The following MAD2L2 variants were observed in gnomAD, a reference collection of about 807,000 sequenced individuals.
The protein encoded by MAD2L2 is mitotic spindle assembly checkpoint protein MAD2B.
In MAD2L2, 17 loss-of-function variants were observed where a neutral mutation model predicts 30.5. The ratio of observed to expected loss-of-function variants is 0.56; its 90% confidence interval spans 0.38 to 0.84. MAD2L2 has a LOEUF of 0.84. Among genes scored for constraint, MAD2L2 ranks in the 40% least tolerant of loss-of-function variants. MAD2L2 has a pLI of 0.00. For missense variants in MAD2L2, 213 were observed against 277.4 expected (o/e 0.77, Z 1.65); for synonymous variants, 101 against 113.9 (o/e 0.89, Z 0.72).
rs757076066 is a variant in MAD2L2 at position 11,676,945 on chromosome 1, C to A, written c.235G>T (p.Asp79Tyr). The change falls in exon 5 of 9, where the codon GAT becomes TAT. Residue 79 changes from aspartate (D) to tyrosine (Y), a missense_variant. Physicochemically the swap from Asp to Tyr is radical, Grantham distance 160. Transcript: ENST00000376692. Reference sequence around the variant, plus strand: ...ATCACCACCACCACTTTCTCCACATCATTCTGCAAAGAGAGGAACCCCCAC... The same window carrying A: ...ATCACCACCACCACTTTCTCCACATAATTCTGCAAAGAGAGGAACCCCCAC... ...HCVKPLLEKN[D>Y]VEKVVVVILD... 1 of 1,613,542 alleles carries A rather than the reference C, an allele frequency of 6.2e-7. No homozygotes were observed. The highest frequency in any genetic ancestry group is 8.5e-7 in the Non-Finnish European group (1 of 1,179,452).
chr1:11,689,973 A>G (rs568141829), intron 1 of MAD2L2, among the ~76,000 whole-genome samples: 20 of 151,928 alleles, frequency 1.3e-4, no homozygotes, highest in African/African-American at 4.8e-4. Flanking sequence ...TCTGCTTGCA[A>G]GTCTTCTCCC....
Position 11,676,139 on chromosome 1 carries a change from A to AGCTGG in MAD2L2, c.333-4_333dup (p.Ser112ProfsTer19). The AGCTGG allele has an allele frequency of 6.3e-7, 1 of 1,591,918 alleles. No homozygotes were observed. Among genetic ancestry groups the AGCTGG allele is most frequent in the South Asian group, 1.1e-5 (1 of 88,578 alleles). Reference sequence around the variant, plus strand: ...TCCACATGAGACAACAGCGAGTCTGAGCTGGGAGTGAGAGGAGGTCTTCCC... The same window carrying AGCTGG: ...TCCACATGAGACAACAGCGAGTCTGAGCTGGGCTGGGAGTGAGAGGAGGTCTTCCC... On this transcript the variant is annotated frameshift_variant and splice_region_variant, in exon 6 of 9. Coordinates refer to ENST00000376692, the MANE Select transcript of MAD2L2 (RefSeq NM_006341.4). LOFTEE classifies it high-confidence loss of function.
intron 6 of MAD2L2, 83 bp downstream of exon 6, chr1:11,675,963 G>A: frequency 8.3e-7 from 1 of 1,208,960 alleles, no homozygotes; most frequent in Non-Finnish European, 1.2e-6. Flanking sequence ...TCTCAGAACA[G>A]CCAAACATGG....
Position 11,680,344 on chromosome 1 carries a change from G to C in MAD2L2, c.159+9C>G. 6.2e-7 allele frequency: 1 copy of C among 1,609,112 alleles called. No individual in the cohort carries two copies. Among genetic ancestry groups the C allele is most frequent in the Non-Finnish European group, 8.5e-7 (1 of 1,175,996 alleles). ...TGTACCCACTCTGTGGTTCTGGGACGTGCCTCACCTGGACCGGCACGTTGT... is the reference window on the plus strand; with the variant it reads ...TGTACCCACTCTGTGGTTCTGGGACCTGCCTCACCTGGACCGGCACGTTGT... On this transcript the variant is annotated intron_variant, in intron 3 of 8. Coordinates refer to ENST00000376692, the MANE Select transcript of MAD2L2 (RefSeq NM_006341.4).
upstream of MAD2L2, among the ~76,000 whole-genome samples, chr1:11,682,317 C>T (rs1161207410): frequency 6.6e-6 from 1 of 152,110 alleles, no homozygotes; most frequent in African/African-American, 2.4e-5. Flanking sequence ...CAAGTCAGGA[C>T]CAGAAGCCAA....
Position 11,690,557 on chromosome 1 carries a change from C to T in MAD2L2, c.-692+856G>A, listed in dbSNP as rs1641041510. ...TCAGAAGAGGAACACAGACATTTAG[C>T]CTGACGGCAGAACTGTGTTCTAAAA... is the stretch of plus-strand genomic sequence containing the variant. On this transcript the variant is annotated intron_variant, in intron 1 of 10. Coordinates refer to the MAD2L2 transcript ENST00000235310. This position sits in a 1 kb window ranked among gnomAD's most constrained non-coding sequence, Gnocchi z 4.2. Among the ~76,000 whole-genome samples the T allele has an allele frequency of 2.0e-5, 3 of 152,190 alleles. No homozygotes were observed. Among genetic ancestry groups the T allele is most frequent in the Admixed American group, 6.5e-5 (1 of 15,284 alleles).
At chr1:11,675,817 C>T in intron 6 of MAD2L2, 86 bp from the exon 7 acceptor site, 1 of 1,176,854 alleles carries the variant, frequency 8.5e-7, no homozygotes, top group Non-Finnish European at 1.3e-6. Context: ...CCCTTGCTGG[C>T]TCAGCAGCAC....
In MAD2L2 at chr1:11,676,902, C is replaced by T. The variant is rs151024263; in HGVS notation, c.278G>A (p.Arg93His). The T allele has an allele frequency of 3.7e-4, 591 of 1,614,122 alleles. No individual in the cohort carries two copies. The highest frequency in any genetic ancestry group is 3.2e-3 in the African/African-American group (237 of 75,042). ...CTCAAAGACGAATTTCTCCACTGGG[C>T]GGTGCTCTTTATCCAAAATCACCAC... is the stretch of plus-strand genomic sequence containing the variant. ...VVVVILDKEH[R>H]PVEKFVFEIT... Residue 93 changes from arginine (R) to histidine (H), a missense_variant, in exon 5 of 9, where the codon CGC becomes CAC. Coordinates refer to ENST00000376692, the MANE Select transcript of MAD2L2 (RefSeq NM_006341.4).
chr1:11,681,717 C>G (rs1359702471), upstream of MAD2L2: 2 of 152,286 alleles, frequency 1.3e-5, no homozygotes, highest in Admixed American at 1.3e-4. Flanking sequence ...CCCCGCCCTA[C>G]GCTTCATAAC....
intron 1 of MAD2L2, chr1:11,691,388 CCGCGCCGAGG>C (rs1641062614): frequency 6.6e-6 from 1 of 151,952 alleles, no homozygotes; most frequent in Admixed American, 6.6e-5. Flanking sequence ...GCGCCCTGGG[CCGCGCCGAGG>C]CGGCTCTTAC....
At chr1:11,680,668 C>T in intron 1 of MAD2L2, 55 bp from the exon 2 acceptor site, 3 of 1,505,536 alleles carry the variant, frequency 2.0e-6, no homozygotes, top group Non-Finnish European at 1.8e-6. Flanking sequence ...AGCCCAGAAC[C>T]CGCTCGCTTC....
intron 3 of MAD2L2, among the ~76,000 whole-genome samples, chr1:11,680,103 C>T (rs1258326194): frequency 6.9e-6 from 1 of 144,410 alleles, no homozygotes; most frequent in Non-Finnish European, 1.5e-5. Context: ...TCAAGGGATT[C>T]TCCTGCCTCA....
rs1188356571 is a variant in MAD2L2 at position 11,674,763 on chromosome 1, G to A, written c.*12C>T. The A allele has an allele frequency of 6.2e-7, 1 of 1,613,380 alleles. No individual in the cohort carries two copies. The highest frequency in any genetic ancestry group is 1.3e-5 in the African/African-American group (1 of 75,028). ...TGACAGTTTGGGCATCAGTGGGGTG[G>A]CAGGTGCCCCCTCAGCTGCCTTTAT... On this transcript the variant is annotated 3_prime_UTR_variant, in exon 9 of 9. Transcript: ENST00000376692. This position sits in a 1 kb window ranked among gnomAD's most constrained non-coding sequence, Gnocchi z 6.1.
chr1:11,683,667 G>A (rs968231069), upstream of MAD2L2, among the ~76,000 whole-genome samples: 5 of 151,816 alleles, frequency 3.3e-5, no homozygotes, highest in Admixed American at 2.6e-4. Flanking sequence ...AAAAATTATT[G>A]CAATTAAAAA....
At chr1:11,686,331 G>T (rs372289105) in intron 1 of MAD2L2, among the ~76,000 whole-genome samples, 1 of 152,156 alleles carries the variant, frequency 6.6e-6, no homozygotes, top group Non-Finnish European at 1.5e-5. Context: ...GATGGCTTCC[G>T]ACACTTCAGC....
rs532891556 is a variant in MAD2L2 at position 11,690,904 on chromosome 1, C to A, written c.-692+509G>T. Among the ~76,000 whole-genome samples, 3 of 152,040 alleles carry A rather than the reference C, an allele frequency of 2.0e-5. No individual in the cohort carries two copies. Among genetic ancestry groups the A allele is most frequent in the South Asian group, 4.2e-4 (2 of 4,796 alleles). On this transcript the variant is annotated intron_variant, in intron 1 of 10. Coordinates refer to the MAD2L2 transcript ENST00000235310. The surrounding 1 kb of genome is among the most constrained non-coding windows in gnomAD (Gnocchi z 4.2). ...AGCTTCAGGCCGGCTTTGGACGGGG[C>A]GTGGCGAGAGCCGCGCCGCGTGTGA... is the stretch of plus-strand genomic sequence containing the variant.
chr1:11,675,214 G>A, intron 7 of MAD2L2, 40 bp from the exon 8 acceptor site: 2 of 1,360,062 alleles, frequency 1.5e-6, no homozygotes, highest in East Asian at 2.3e-5. Context: ...ACGGGGCTGG[G>A]CCCTGGCCTG....
rs1172912960 is a variant in MAD2L2 at position 11,675,880 on chromosome 1, G to C, written c.428-149C>G. ...TAAGAAAAGCCCCAGTCAATAGGGA[G>C]ATGGAAGCCAGGTAGAATCAATCAG... On this transcript the variant is annotated intron_variant, in intron 6 of 8. Coordinates refer to ENST00000376692, the MANE Select transcript of MAD2L2 (RefSeq NM_006341.4). 3.4e-6 allele frequency: 3 copies of C among 886,830 alleles called. No homozygotes were observed. The Admixed American group carries it at 5.5e-5, about 16-fold the overall frequency. 54.9% of individuals were successfully genotyped at this position (886,830 alleles called of 1,614,324 possible).
At position 11,688,888 on chromosome 1, in the gene MAD2L2, C is replaced by T. The variant is rs561439998; in HGVS notation, c.-692+2525G>A. Among the ~76,000 whole-genome samples the T allele has an allele frequency of 3.3e-5, 5 of 152,322 alleles. No individual in the cohort carries two copies. In the East Asian group the frequency reaches 9.6e-4, roughly 29 times the overall value. ...GAAGCCTGTCAAAACCCACCAAAAG[C>T]AAGATGGCCACGAGACCAACCTCTG... On this transcript the variant is annotated intron_variant, in intron 1 of 10. Transcript: ENST00000235310. This position sits in a 1 kb window ranked among gnomAD's most constrained non-coding sequence, Gnocchi z 4.6.
Sources: gnomAD v4.1 joint callset for allele counts (sites outside exome capture counted in the v4.1 genomes callset) on GRCh38, gnomAD v4.1.1 for gene constraint, Gnocchi (gnomAD v3.1) non-coding constraint, MANE v1.5 for transcripts, NCBI Gene and HGNC (gene_info 2026-07-23, HGNC 2026-07-21) for gene names.